Variants in TRPM3 observed in about 807,000 individuals in gnomAD.
TRPM3 encodes the protein transient receptor potential cation channel subfamily M member 3, also known as long transient receptor potential channel 3.
In TRPM3, 77 loss-of-function variants were observed where a neutral mutation model predicts 181.2. The ratio of observed to expected loss-of-function variants is 0.42; its 90% CI spans 0.35 to 0.51. The LOEUF (loss-of-function observed/expected upper bound fraction) is 0.51. Among genes scored for constraint, TRPM3 ranks in the 20% least tolerant of loss-of-function variants. The pLI is 0.01. For missense variants in TRPM3, 1,759 were observed against 2,196.7 expected (o/e 0.80, Z 3.98); for synonymous variants, 745 against 796.4 (o/e 0.94, Z 1.09).
intron 8 of TRPM3, among the ~76,000 whole-genome samples, chr9:70,737,816 A>T (rs1033941377): frequency 2.6e-5 from 4 of 152,184 alleles, no homozygotes; most frequent in African/African-American, 9.7e-5. Context: ...TCCAATAGGA[A>T]AATATCACAA....
chr9:70,923,768 T>C (rs2096684057), intron 1 of TRPM3, among the ~76,000 whole-genome samples: 2 of 148,712 alleles, frequency 1.3e-5, no homozygotes. Flanking sequence ...GGCCGAGTAA[T>C]ACTGGCAACA....
At chr9:70,640,510 C>A in intron 10 of TRPM3, 50 bp downstream of exon 10, 2 of 1,497,462 alleles carry the variant, frequency 1.3e-6, no homozygotes, top group South Asian at 2.3e-5. Context: ...TAAACAAATA[C>A]CCTTGGCCAA....
At position 71,155,858 on chromosome 9, in the gene TRPM3, A is replaced by T. The variant is rs965232294; in HGVS notation, c.183+290795T>A. ...GAGTTATGCTGGGAGACACTCATAG[A>T]CTGTCACTCTGAAAAAACTTAGGAA... On this transcript the variant is annotated intron_variant, in intron 1 of 24. Transcript: ENST00000357533. Among the ~76,000 whole-genome samples the T allele has an allele frequency of 8.3e-4, 126 of 152,256 alleles. 1 individual carries two copies. Among genetic ancestry groups the T allele is most frequent in the African/African-American group, 2.4e-3 (98 of 41,574 alleles).
chr9:71,427,961 A>G (rs938214044), intron 1 of TRPM3, among the ~76,000 whole-genome samples: 1 of 152,202 alleles, frequency 6.6e-6, no homozygotes, highest in Non-Finnish European at 1.5e-5. Flanking sequence ...GTGTTGTCAT[A>G]ATTTGGGTTA....
intron 22 of TRPM3, among the ~76,000 whole-genome samples, chr9:70,570,314 T>G (rs1312639082): frequency 6.9e-6 from 1 of 145,488 alleles, no homozygotes; most frequent in Non-Finnish European, 1.5e-5. Context: ...TTTTTTTTTT[T>G]TTTTTTTTTT....
chr9:70,629,597 A>C (rs1462704659), intron 12 of TRPM3, among the ~76,000 whole-genome samples: 1 of 152,090 alleles, frequency 6.6e-6, no homozygotes, highest in Non-Finnish European at 1.5e-5. Flanking sequence ...TCGGCCTCCC[A>C]AAGTGTTGGG....
intron 1 of TRPM3, among the ~76,000 whole-genome samples, chr9:71,350,912 T>C (rs1008042856): frequency 1.3e-5 from 2 of 152,166 alleles, no homozygotes; most frequent in Admixed American, 1.3e-4. Flanking sequence ...GTTCTATAAA[T>C]ACCCTGGCAA....
intron 1 of TRPM3, among the ~76,000 whole-genome samples, chr9:71,417,077 T>C (rs941524904): frequency 6.6e-6 from 1 of 152,038 alleles, no homozygotes; most frequent in East Asian, 1.9e-4. Context: ...TTAATGGACA[T>C]TGGGTTGTCT....
rs79448070 is a variant in TRPM3, at chr9:71,233,869, G to A, written c.183+212784C>T. 9.1e-3 allele frequency among the ~76,000 whole-genome samples: 1,391 copies of A among 152,238 alleles called. 20 individuals carry two copies. Among genetic ancestry groups the A allele is most frequent in the African/African-American group, 0.032 (1,309 of 41,546 alleles). ...CCTTTAATCAGACTGAATAAAATCC[G>A]GTTGACCTACTTTCAAATTCACCAG... On this transcript the variant is annotated intron_variant, in intron 1 of 24. Coordinates refer to the TRPM3 transcript ENST00000357533.
At chr9:70,832,140 T>G (rs1280514130) in intron 5 of TRPM3, among the ~76,000 whole-genome samples, 1 of 90,060 alleles carries the variant, frequency 1.1e-5, no homozygotes, top group African/African-American at 4.5e-5. Context: ...TGGGGACTGT[T>G]GTGGGGTGGG....
intron 1 of TRPM3, among the ~76,000 whole-genome samples, chr9:71,076,850 T>C (rs541014378): frequency 6.6e-6 from 1 of 152,184 alleles, no homozygotes; most frequent in East Asian, 1.9e-4. Context: ...GATCACTGAA[T>C]AGAGCAAAAA....
chr9:71,273,622 G>A (rs1290528867), intron 1 of TRPM3, among the ~76,000 whole-genome samples: 3 of 152,278 alleles, frequency 2.0e-5, no homozygotes, highest in Admixed American at 6.5e-5. Flanking sequence ...GCGACTCTGG[G>A]AACTTTACAA....
At chr9:70,852,525 G>T (rs1012837635) in intron 3 of TRPM3, among the ~76,000 whole-genome samples, 2 of 152,060 alleles carry the variant, frequency 1.3e-5, no homozygotes, top group Non-Finnish European at 2.9e-5. Flanking sequence ...CTGTCAACCA[G>T]TTCCTTTTCT....
At chr9:71,274,779 A>G (rs1588235877) in intron 1 of TRPM3, among the ~76,000 whole-genome samples, 1 of 152,192 alleles carries the variant, frequency 6.6e-6, no homozygotes, top group African/African-American at 2.4e-5. Context: ...AAGGAAATTA[A>G]TTTTTACTTA....
intron 1 of TRPM3, among the ~76,000 whole-genome samples, chr9:71,216,565 G>A (rs893207964): frequency 1.3e-5 from 2 of 152,184 alleles, no homozygotes; most frequent in Non-Finnish European, 2.9e-5. Context: ...GGAAATGAAA[G>A]GTACATAATT....
Position 70,682,499 on chromosome 9 carries a change from G to A in TRPM3, c.1273-921C>T, listed in dbSNP as rs553858953. Among the ~76,000 whole-genome samples the A allele has an allele frequency of 7.9e-5, 12 of 152,208 alleles. No individual in the cohort carries two copies. The South Asian group carries it at 2.5e-3, about 32-fold the overall frequency. On this transcript the variant is annotated intron_variant, in intron 8 of 25. Transcript: ENST00000677713. ...TAAAGTCCATTACAGTGTTGGTGGA[G>A]TACATCTGACTTTGTATTTCACCCT...
intron 8 of TRPM3, among the ~76,000 whole-genome samples, chr9:70,745,693 G>A (rs2075031456): frequency 6.6e-6 from 1 of 152,148 alleles, no homozygotes; most frequent in Admixed American, 6.5e-5. Flanking sequence ...TTCCTCTTAT[G>A]ACTATAAGTA....
rs117725733 is a variant in TRPM3, at chr9:71,281,153, A to G, written c.183+165500T>C. ...CTCTCACAGACAAGTCAGAACCACA[A>G]AAGCAAAGTCGGGAGGTGTGTCAAA... On this transcript the variant is annotated intron_variant, in intron 1 of 24. Transcript: ENST00000357533. 4.1e-4 allele frequency among the ~76,000 whole-genome samples: 62 copies of G among 152,306 alleles called. No individual in the cohort carries two copies. In the Middle Eastern group the frequency reaches 0.017, roughly 42 times the overall value.
intron 1 of TRPM3, among the ~76,000 whole-genome samples, chr9:71,111,798 A>G (rs2071167383): frequency 6.6e-6 from 1 of 152,190 alleles, no homozygotes; most frequent in South Asian, 2.1e-4. Context: ...CGAGATTATC[A>G]CAGAGATTAT....
Sources: allele counts gnomAD v4.1 joint callset (sites outside exome capture counted in the v4.1 genomes callset), GRCh38; gene constraint gnomAD v4.1.1; transcripts MANE v1.5; gene names NCBI Gene and HGNC (gene_info 2026-07-23, HGNC 2026-07-21).